The following CCN6 variants were observed in gnomAD, a reference collection of about 807,000 sequenced individuals.
CCN6 encodes the protein cellular communication network factor 6, also known as CCN family member 6.
A neutral mutation model predicts 37.4 loss-of-function variants in CCN6; 31 were observed. That is an observed-to-expected ratio of 0.83 (90% CI 0.62 to 1.12). The LOEUF is 1.12. Among genes scored for constraint, CCN6 ranks in the 50% most tolerant of loss-of-function variants. CCN6 has a pLI of 0.00. For synonymous variants in CCN6, 137 were observed against 142.1 expected (o/e 0.96, Z 0.26); for missense variants, 369 against 413.8 (o/e 0.89, Z 0.94).
At chr6:112,053,709 T>A (rs1776265018), upstream of CCN6, among the ~76,000 whole-genome samples, 1 of 152,052 alleles carries the variant, frequency 6.6e-6, no homozygotes, top group South Asian at 2.1e-4. Flanking sequence ...CCACTCACAG[T>A]CCACCTGGCA....
intron 1 of CCN6, chr6:112,054,808 C>A (rs1463925912): frequency 9.2e-6 from 2 of 217,068 alleles, no homozygotes; most frequent in East Asian, 1.1e-4. Flanking sequence ...CCTGGAAAAA[C>A]GAATTTTGAC....
chr6:112,055,376 G>A (rs1554311602), intron 1 of CCN6, among the ~76,000 whole-genome samples: 3 of 152,170 alleles, frequency 2.0e-5, no homozygotes, highest in Non-Finnish European at 4.4e-5. Context: ...GCAGCTAGAT[G>A]TTCTTAGACA....
chr6:112,053,828 G>T (rs1776267261), upstream of CCN6, among the ~76,000 whole-genome samples: 1 of 149,012 alleles, frequency 6.7e-6, no homozygotes, highest in African/African-American at 2.5e-5. Flanking sequence ...AATATGGAGG[G>T]GGAAAGCCAG....
At position 112,069,528 on chromosome 6, in the gene CCN6, T is replaced by C. The variant is rs1222942227; in HGVS notation, c.973T>C (p.Phe325Leu). The change falls in exon 5 of 5, where the codon TTT becomes CTT. Residue 325 changes from phenylalanine (F) to leucine (L), a missense_variant. Physicochemically the swap from Phe to Leu is conservative, Grantham distance 22. Coordinates refer to ENST00000368666, the MANE Select transcript of CCN6 (RefSeq NM_198239.2). ...IQFDCPNEGS[F>L]KWKMLWITSC... is the part of the protein sequence containing the mutation. Reference sequence around the variant, plus strand: ...ATTTGATTGCCCAAATGAGGGGTCATTTAAATGGAAGATGCTGTGGATTAC... The same window carrying C: ...ATTTGATTGCCCAAATGAGGGGTCACTTAAATGGAAGATGCTGTGGATTAC... 1.9e-6 allele frequency: 3 copies of C among 1,613,634 alleles called. No homozygotes were observed. The highest frequency in any genetic ancestry group is 1.7e-6 in the Non-Finnish European group (2 of 1,179,808).
chr6:112,054,505 G>T, intron 1 of CCN6, 100 bp downstream of exon 1: 1 of 1,139,170 alleles, frequency 8.8e-7, no homozygotes, highest in Non-Finnish European at 1.3e-6. Context: ...GAAGAGGGAG[G>T]ATCAATGGCT....
chr6:112,060,866 A>G, intron 1 of CCN6, 125 bp from the exon 2 acceptor site: 1 of 1,091,334 alleles, frequency 9.2e-7, no homozygotes, highest in South Asian at 1.4e-5. Context: ...AAATGCTGAT[A>G]GGTGTTATTA....
chr6:112,055,832 C>G (rs377278389), intron 1 of CCN6, among the ~76,000 whole-genome samples: 3 of 152,150 alleles, frequency 2.0e-5, no homozygotes, highest in Admixed American at 1.3e-4. Flanking sequence ...TCAAGTGATC[C>G]GCCCACCTCG....
chr6:112,065,590 A>ACACACACACAAACACACACG (rs1562597542), intron 3 of CCN6, among the ~76,000 whole-genome samples: 1 of 78,836 alleles, frequency 1.3e-5, no homozygotes, highest in Non-Finnish European at 3.1e-5. Flanking sequence ...ACACACACGC[A>ACACACACACAAACACACACG]CACACACACA....
chr6:112,066,969 A>G, intron 3 of CCN6: 1 of 1,366,238 alleles, frequency 7.3e-7, no homozygotes, highest in Non-Finnish European at 9.8e-7. Flanking sequence ...TTTATTGCAG[A>G]TGTGTGCCAA....
At chr6:112,063,942 G>A (rs1472025751) in intron 2 of CCN6, among the ~76,000 whole-genome samples, 1 of 152,172 alleles carries the variant, frequency 6.6e-6, no homozygotes, top group East Asian at 1.9e-4. Context: ...AAAGAGACCA[G>A]TATTTGATGA....
chr6:112,067,016 T>G, intron 3 of CCN6: 1 of 1,366,412 alleles, frequency 7.3e-7, no homozygotes, highest in Non-Finnish European at 9.8e-7. Flanking sequence ...GTCTTTAAAC[T>G]GTTGTCTACC....
At chr6:112,058,822 C>T (rs587642141) in intron 1 of CCN6, among the ~76,000 whole-genome samples, 7 of 152,284 alleles carry the variant, frequency 4.6e-5, no homozygotes, top group Non-Finnish European at 5.9e-5. Context: ...GACACTTTCA[C>T]GTGTGAAGGA....
At chr6:112,058,875 T>A (rs1236629916) in intron 1 of CCN6, among the ~76,000 whole-genome samples, 3 of 152,224 alleles carry the variant, frequency 2.0e-5, no homozygotes, top group Non-Finnish European at 4.4e-5. Context: ...GCTTCCTGAC[T>A]AGGGGACCTG....
intron 1 of CCN6, among the ~76,000 whole-genome samples, chr6:112,055,128 ATGGGTGTG>A (rs1776308573): frequency 6.6e-6 from 1 of 152,248 alleles, no homozygotes; most frequent in Admixed American, 6.5e-5. Flanking sequence ...TTTAGGAAAC[ATGGGTGTG>A]TCTGTGAGTT....
At chr6:112,056,762 C>G (rs1438846565) in intron 1 of CCN6, among the ~76,000 whole-genome samples, 3 of 152,198 alleles carry the variant, frequency 2.0e-5, no homozygotes, top group Non-Finnish European at 4.4e-5. Flanking sequence ...AGTGATCCAC[C>G]TGCCTCGGCA....
chr6:112,063,012 T>C lies in CCN6; in HGVS notation c.346+1724T>C, dbSNP rs59807608. Among the ~76,000 whole-genome samples the C allele has an allele frequency of 1.7e-3, 260 of 152,294 alleles. 3 individuals carry two copies. Among genetic ancestry groups the C allele is most frequent in the African/African-American group, 6.1e-3 (254 of 41,582 alleles). On this transcript the variant is annotated intron_variant, in intron 2 of 4. Coordinates refer to ENST00000368666, the MANE Select transcript of CCN6 (RefSeq NM_198239.2). The stretch of plus-strand genomic sequence containing the variant: ...CATTGCAGATTAATAAGAATAACGT[T>C]TTTATGAAAAAACATGTAACTTATT...
intron 4 of CCN6, among the ~76,000 whole-genome samples, chr6:112,068,980 G>A (rs1182715752): frequency 1.3e-5 from 2 of 152,114 alleles, no homozygotes; most frequent in Non-Finnish European, 2.9e-5. Context: ...ATTCATCTAT[G>A]CATCCACTGA....
chr6:112,059,294 C>T (rs1030056493), intron 1 of CCN6, among the ~76,000 whole-genome samples: 1 of 152,192 alleles, frequency 6.6e-6, no homozygotes, highest in South Asian at 2.1e-4. Context: ...TGGCTTAAAA[C>T]AACATGATTA....
intron 2 of CCN6, 105 bp downstream of exon 2, chr6:112,061,393 G>A (rs1554312861): frequency 1.0e-5 from 15 of 1,494,080 alleles, no homozygotes; most frequent in Non-Finnish European, 1.3e-5. Flanking sequence ...GGCTAAATAT[G>A]AGGTGGGTTT....
Sources: allele counts gnomAD v4.1 joint callset (sites outside exome capture counted in the v4.1 genomes callset), GRCh38; gene constraint gnomAD v4.1.1; transcripts MANE v1.5; gene names NCBI Gene and HGNC (gene_info 2026-07-23, HGNC 2026-07-21).